TAF5: variants seen among roughly 807,000 people sequenced by gnomAD.
TAF5 encodes transcription initiation factor TFIID subunit 5.
TAF5 carries 20 observed loss-of-function variants against 80.9 expected under a neutral mutation model. The observed-to-expected ratio is 0.25, with a 90% CI of 0.17 to 0.36. The LOEUF (loss-of-function observed/expected upper bound fraction) is 0.36. TAF5 is among the 10% of genes least tolerant of loss of function. The pLI, the probability that TAF5 is intolerant of heterozygous loss-of-function variation, is 1.00. For missense variants in TAF5, 863 were observed against 1,029.4 expected, an observed-to-expected ratio of 0.84 and a Z score of 2.21; for synonymous variants, 388 against 406.4, an observed-to-expected ratio of 0.95 and a Z score of 0.55.
At chr10:103,386,995 C>T (rs2133638788) in intron 8 of TAF5, among the ~76,000 whole-genome samples, 180 bp from the exon 9 acceptor site, 1 of 151,502 alleles carries the variant, frequency 6.6e-6, no homozygotes, top group Admixed American at 6.6e-5. Context: ...AAAAATTGTA[C>T]CAGATGAACT....
chr10:103,381,868 G>T (rs761771716), intron 6 of TAF5, 27 bp downstream of exon 6: 1 of 1,614,062 alleles, frequency 6.2e-7, no homozygotes, highest in South Asian at 1.1e-5. Flanking sequence ...TTTGGAATGT[G>T]AACTTGCCAT....
intron 1 of TAF5, among the ~76,000 whole-genome samples, chr10:103,368,853 G>A (rs1003895318): frequency 1.3e-5 from 2 of 152,154 alleles, no homozygotes; most frequent in African/African-American, 4.8e-5. Flanking sequence ...TTGAGCCTTG[G>A]GCAGGTCCGC....
Position 103,367,977 on chromosome 10 carries a change from G to A in TAF5, c.-13G>A. 2 of 1,452,792 alleles carry A rather than the reference G, an allele frequency of 1.4e-6. No homozygotes were observed. Among genetic ancestry groups the A allele is most frequent in the South Asian group, 2.7e-5 (2 of 73,518 alleles). 90.0% of individuals were successfully genotyped at this position (1,452,792 alleles called of 1,614,324 possible). On this transcript the variant is annotated 5_prime_UTR_variant, in exon 1 of 11. Transcript: ENST00000369839. ...CAATCACGCTTGACGGCGCGAGGTG[G>A]CTCAGCCGCAAGATGGCGGCGCTGG...
chr10:103,384,340 T>C (rs1261743550), intron 7 of TAF5, among the ~76,000 whole-genome samples: 1 of 152,052 alleles, frequency 6.6e-6, no homozygotes, highest in African/African-American at 2.4e-5. Flanking sequence ...GGATAGATAA[T>C]AGCTTTCAGG....
At position 103,387,805 on chromosome 10, in the gene TAF5, A is replaced by G. The variant is rs1222399945; in HGVS notation, c.2185+107A>G. 1.6e-5 allele frequency: 20 copies of G among 1,234,954 alleles called. 1 individual carries two copies. Among genetic ancestry groups the G allele is most frequent in the East Asian group, 9.3e-5 (4 of 42,912 alleles). 76.5% of individuals were successfully genotyped at this position (1,234,954 alleles called of 1,614,324 possible). A position where few individuals can be genotyped will look rare whatever the true frequency, so the allele number is the denominator to read the frequency against. Reference sequence around the variant, plus strand: ...TTTTAGGTTTTACTTCCCTTTAGCTATGATTCCAGAGTGTCATCCTACATC... The same window carrying G: ...TTTTAGGTTTTACTTCCCTTTAGCTGTGATTCCAGAGTGTCATCCTACATC... On this transcript the variant is annotated intron_variant, in intron 10 of 10. Coordinates refer to ENST00000369839, the MANE Select transcript of TAF5 (RefSeq NM_006951.5).
intron 1 of TAF5, among the ~76,000 whole-genome samples, chr10:103,369,526 T>C (rs1269237069): frequency 6.6e-6 from 1 of 151,962 alleles, no homozygotes; most frequent in Non-Finnish European, 1.5e-5. Flanking sequence ...GCCCGGCTAA[T>C]TTTTAAAAAT....
intron 6 of TAF5, among the ~76,000 whole-genome samples, chr10:103,382,186 A>G (rs1242702050): frequency 6.6e-6 from 1 of 152,196 alleles, no homozygotes; most frequent in Non-Finnish European, 1.5e-5. Flanking sequence ...GCTAAAAAGA[A>G]CAAATAAGGT....
intron 1 of TAF5, among the ~76,000 whole-genome samples, chr10:103,372,901 GAA>G (rs1262710385): frequency 7.5e-6 from 1 of 133,378 alleles, no homozygotes; most frequent in African/African-American, 2.7e-5. Flanking sequence ...ATCTTAAAAA[GAA>G]AAAAAAAAAA....
chr10:103,385,635 G>T (rs1033344220), intron 8 of TAF5, 145 bp downstream of exon 8: 1 of 1,007,204 alleles, frequency 9.9e-7, no homozygotes, highest in Non-Finnish European at 1.4e-6. Context: ...TAACTTATTT[G>T]AAATTGGGGC....
chr10:103,388,059 T>G lies in TAF5; in HGVS notation c.2239T>G (p.Leu747Val). 1.2e-6 allele frequency: 2 copies of G among 1,614,102 alleles called. No homozygotes were observed. The change falls in exon 11 of 11, where the codon TTA (leucine) becomes GTA (valine). Residue 747 changes from leucine to valine, a missense_variant. Leu to Val is a conservative substitution (Grantham distance 32). Coordinates refer to ENST00000369839, the MANE Select transcript of TAF5 (RefSeq NM_006951.5). Reference sequence around the variant, plus strand: ...GGATGCTATCAAAGCCTTTGAAGATTTAGAGACCGATGACTTTACTACAGC... The same window carrying G: ...GGATGCTATCAAAGCCTTTGAAGATGTAGAGACCGATGACTTTACTACAGC... ...LWDAIKAFED[L>V]ETDDFTTATG...
chr10:103,381,757 C>T lies in TAF5; in HGVS notation c.1450C>T (p.Leu484=). ...AGTGGATGTCACTGATGATTCTAGT[C>T]TGATTGCTGGAGGTTTTGCAGATTC... is the stretch of plus-strand genomic sequence containing the variant. ...TAVDVTDDSS[L]IAGGFADSTV... The change falls in exon 6 of 11, where the codon CTG becomes TTG. Residue 484 remains leucine (L), a synonymous_variant. Transcript: ENST00000369839. The T allele has an allele frequency of 6.2e-7, 1 of 1,614,066 alleles. No homozygotes were observed. Among genetic ancestry groups the T allele is most frequent in the East Asian group, 2.2e-5 (1 of 44,882 alleles).
At position 103,379,464 on chromosome 10, in the gene TAF5, G is replaced by T. The variant is rs141859660; in HGVS notation, c.1114-144G>T. The T allele has an allele frequency of 9.8e-5, 69 of 705,318 alleles. No individual in the cohort carries two copies. In the African/African-American group the frequency reaches 1.0e-3, roughly 10 times the overall value. The allele number at this position is 705,318 out of a possible 1,614,324, so 43.7% of individuals were successfully genotyped here. ...GTTCTGTTAGTAAGGAAAAAGGGGA[G>T]AATGGCTATTGGGTAGACAAATACA... On this transcript the variant is annotated intron_variant, in intron 3 of 10. Transcript: ENST00000369839.
At position 103,380,033 on chromosome 10, in the gene TAF5, T is replaced by G; in HGVS notation, c.1413+14T>G. 6.2e-7 allele frequency: 1 copy of G among 1,607,324 alleles called. No individual in the cohort carries two copies. Among genetic ancestry groups the G allele is most frequent in the Non-Finnish European group, 8.5e-7 (1 of 1,177,522 alleles). ...AATGCTTACCAGGTTGGTAAAAAAA[T>G]TGGGCGATTTCTGCCTGGAGAGTCA... is the stretch of plus-strand genomic sequence containing the variant. On this transcript the variant is annotated intron_variant, in intron 5 of 10. Transcript: ENST00000369839.
rs939243899 is a variant in TAF5, at chr10:103,368,464, G to C, written c.475G>C (p.Ala159Pro). 1 of 1,584,328 alleles carries C rather than the reference G, an allele frequency of 6.3e-7. No individual in the cohort carries two copies. The highest frequency in any genetic ancestry group is 2.3e-5 in the East Asian group (1 of 44,106). ...SRVTASAPGP[A>P]APDPPGTGAS... ...GGTGACCGCCTCGGCCCCTGGCCCT[G>C]CGGCCCCCGACCCTCCGGGCACTGG... The change falls in exon 1 of 11, where the codon GCG becomes CCG. Residue 159 changes from alanine to proline, a missense_variant. Physicochemically the swap from Ala to Pro is conservative, Grantham distance 27. This residue lies in a region of TAF5 where 367 missense variants were observed against 335.5 expected (regional missense o/e 1.09). Coordinates refer to ENST00000369839, the MANE Select transcript of TAF5 (RefSeq NM_006951.5).
rs1419196948 is a variant in TAF5 at position 103,374,030 on chromosome 10, G to A, written c.797+435G>A. ...AGGCAGGTTCTATTGTTAAAGTGAA[G>A]GCATTGAAAAAAAAGGATAGGCAGG... On this transcript the variant is annotated intron_variant, in intron 2 of 10. Transcript: ENST00000369839. The surrounding 1 kb of genome is among the most constrained non-coding windows in gnomAD (Gnocchi z 4.3). Among the ~76,000 whole-genome samples the A allele has an allele frequency of 6.6e-6, 1 of 151,848 alleles. No homozygotes were observed. Among genetic ancestry groups the A allele is most frequent in the Non-Finnish European group, 1.5e-5 (1 of 67,962 alleles).
At chr10:103,376,456 A>G (rs1166499217) in intron 2 of TAF5, among the ~76,000 whole-genome samples, 5 of 152,100 alleles carry the variant, frequency 3.3e-5, no homozygotes, top group African/African-American at 9.7e-5. Context: ...AACACAGGGT[A>G]GTAGTAATAG....
chr10:103,383,428 A>G, intron 7 of TAF5, 61 bp downstream of exon 7: 1 of 1,442,460 alleles, frequency 6.9e-7, no homozygotes, highest in Non-Finnish European at 9.3e-7. Flanking sequence ...TATAAAAGTT[A>G]ACTACTGGAA....
At position 103,378,211 on chromosome 10, in the gene TAF5, G is replaced by A. The variant is rs1280783797; in HGVS notation, c.798-24G>A. 6 of 1,594,324 alleles carry A rather than the reference G, an allele frequency of 3.8e-6. No individual in the cohort carries two copies. The highest frequency in any genetic ancestry group is 5.1e-6 in the Non-Finnish European group (6 of 1,168,608). ...TCCCTTAATGATTACATTGAAAAAT[G>A]ACTTTTTAAAATCACTGAAACAGGT... On this transcript the variant is annotated intron_variant, in intron 2 of 10. Coordinates refer to ENST00000369839, the MANE Select transcript of TAF5 (RefSeq NM_006951.5). This position sits in a 1 kb window ranked among gnomAD's most constrained non-coding sequence, Gnocchi z 4.1.
chr10:103,373,224 G>A (rs2093363582), intron 1 of TAF5, 134 bp from the exon 2 acceptor site: 1 of 687,674 alleles, frequency 1.5e-6, no homozygotes. Context: ...TTATGTGATT[G>A]TGTTGAGGAA....
Sources: gnomAD v4.1 joint callset for allele counts (sites outside exome capture counted in the v4.1 genomes callset) on GRCh38, gnomAD v4.1.1 for gene constraint, gnomAD v4.1.1 regional missense constraint, Gnocchi (gnomAD v3.1) non-coding constraint, MANE v1.5 for transcripts, NCBI Gene and HGNC (gene_info 2026-07-23, HGNC 2026-07-21) for gene names.